TNFRSF21: variants seen among roughly 807,000 people sequenced by gnomAD.
The protein encoded by TNFRSF21 is TNF receptor superfamily member 21, also known as tumor necrosis factor receptor superfamily member 21.
TNFRSF21 carries 19 observed loss-of-function variants against 45.6 expected under a neutral mutation model. The ratio of observed to expected loss-of-function variants is 0.42; its 90% CI spans 0.29 to 0.61. The LOEUF (loss-of-function observed/expected upper bound fraction) is 0.61. Among genes scored for constraint, TNFRSF21 ranks in the 20% least tolerant of loss-of-function variants. The pLI is 0.23. For synonymous variants in TNFRSF21, 314 were observed against 335.5 expected (o/e 0.94, Z 0.70); for missense variants, 737 against 851.5 (o/e 0.87, Z 1.67).
chr6:47,248,149 C>G (rs1250989942), intron 4 of TNFRSF21, among the ~76,000 whole-genome samples: 1 of 152,080 alleles, frequency 6.6e-6, no homozygotes, highest in Non-Finnish European at 1.5e-5. Flanking sequence ...TTTTTCCACC[C>G]CTTTCTCTCA....
At chr6:47,243,036 G>A (rs1303788624) in intron 4 of TNFRSF21, among the ~76,000 whole-genome samples, 3 of 152,218 alleles carry the variant, frequency 2.0e-5, no homozygotes, top group African/African-American at 7.2e-5. Flanking sequence ...AGACCTTGAA[G>A]TAAGAAGGCT....
intron 1 of TNFRSF21, among the ~76,000 whole-genome samples, chr6:47,289,236 T>C (rs143637011): frequency 1.3e-5 from 2 of 152,268 alleles, no homozygotes; most frequent in Non-Finnish European, 2.9e-5. Context: ...ACTAAGAGAA[T>C]AAATCAAGAA....
chr6:47,255,569 CT>C (rs1050251864), intron 3 of TNFRSF21, among the ~76,000 whole-genome samples: 3 of 151,970 alleles, frequency 2.0e-5, no homozygotes, highest in Admixed American at 1.3e-4. Context: ...TCAAGGGATT[CT>C]CCTGCCTCAC....
chr6:47,237,583 A>G (rs1236360467), intron 4 of TNFRSF21, among the ~76,000 whole-genome samples: 1 of 152,244 alleles, frequency 6.6e-6, no homozygotes, highest in Non-Finnish European at 1.5e-5. Context: ...TTTCCAGAGA[A>G]GAGGATCCTC....
At chr6:47,290,627 T>C in intron 1 of TNFRSF21, among the ~76,000 whole-genome samples, 1 of 152,280 alleles carries the variant, frequency 6.6e-6, no homozygotes, top group Non-Finnish European at 1.5e-5. Context: ...AACTCGGCCC[T>C]GTTTAAACTG....
In TNFRSF21 at chr6:47,309,582, A is replaced by G; in HGVS notation, c.-71T>C. On this transcript the variant is annotated 5_prime_UTR_variant, in exon 1 of 6. Transcript: ENST00000296861. Reference sequence around the variant, plus strand: ...CTGGAATCGGCGGCTGCTTCTGCCCAGCGCCGCATCCACCGCCGCCTCCCG... The same window carrying G: ...CTGGAATCGGCGGCTGCTTCTGCCCGGCGCCGCATCCACCGCCGCCTCCCG... 2 of 1,373,456 alleles carry G rather than the reference A, an allele frequency of 1.5e-6. No individual in the cohort carries two copies. Among genetic ancestry groups the G allele is most frequent in the Non-Finnish European group, 1.9e-6 (2 of 1,072,700 alleles). The allele number at this position is 1,373,456 out of a possible 1,614,324, so 85.1% of individuals were successfully genotyped here.
At chr6:47,242,218 A>T (rs116472236) in intron 4 of TNFRSF21, among the ~76,000 whole-genome samples, 2 of 152,292 alleles carry the variant, frequency 1.3e-5, no homozygotes, top group African/African-American at 4.8e-5. Context: ...CCACTGGGGA[A>T]TTATTTTAAA....
chr6:47,291,200 T>C (rs1235979786), intron 1 of TNFRSF21, among the ~76,000 whole-genome samples: 1 of 152,194 alleles, frequency 6.6e-6, no homozygotes, highest in Admixed American at 6.5e-5. Context: ...ACTAAAAAGC[T>C]TGTGGCTCTA....
chr6:47,245,855 G>A (rs1764817044), intron 4 of TNFRSF21, among the ~76,000 whole-genome samples: 1 of 152,164 alleles, frequency 6.6e-6, no homozygotes, highest in African/African-American at 2.4e-5. Flanking sequence ...TGACTGGGGA[G>A]GCTTCAGGAA....
At chr6:47,246,905 C>G (rs1769993402) in intron 4 of TNFRSF21, among the ~76,000 whole-genome samples, 1 of 152,002 alleles carries the variant, frequency 6.6e-6, no homozygotes, top group African/African-American at 2.4e-5. Context: ...ACTTCTTCAC[C>G]CTGATGCTTA....
intron 1 of TNFRSF21, among the ~76,000 whole-genome samples, chr6:47,308,378 G>A (rs957572809): frequency 1.3e-5 from 2 of 152,174 alleles, no homozygotes; most frequent in African/African-American, 4.8e-5. Flanking sequence ...TTGTTTCTTG[G>A]GGGTTTTTTT....
At position 47,234,726 on chromosome 6, in the gene TNFRSF21, T is replaced by A; in HGVS notation, c.1682A>T (p.Asp561Val). The change falls in exon 5 of 6, where the codon GAC becomes GTC. Residue 561 changes from aspartate (D) to valine (V), a missense_variant. By Grantham distance (152) the Asp-to-Val change is radical (BLOSUM62 -3). Coordinates refer to ENST00000296861, the MANE Select transcript of TNFRSF21 (RefSeq NM_014452.5). ...CGCGGAGGAGCCGCTGGATGTAGAG[T>A]CACAGCGGAGAAGGGGCTCCGACTC... ...VDESEPLLRC[D>V]STSSGSSALS... 1 of 1,612,122 alleles carries A rather than the reference T, an allele frequency of 6.2e-7. No homozygotes were observed. The highest frequency in any genetic ancestry group is 1.3e-5 in the African/African-American group (1 of 74,928).
chr6:47,272,695 A>G (rs1029398263), intron 3 of TNFRSF21, among the ~76,000 whole-genome samples: 1 of 152,236 alleles, frequency 6.6e-6, no homozygotes, highest in Non-Finnish European at 1.5e-5. Flanking sequence ...TAAAGACACA[A>G]AGAACCCTTC....
At chr6:47,259,573 T>A (rs1403512791) in intron 3 of TNFRSF21, among the ~76,000 whole-genome samples, 1 of 152,084 alleles carries the variant, frequency 6.6e-6, no homozygotes, top group Non-Finnish European at 1.5e-5. Flanking sequence ...AGGGGTTTCA[T>A]CATGTTGGCC....
intron 1 of TNFRSF21, among the ~76,000 whole-genome samples, chr6:47,292,647 C>T (rs1475713667): frequency 6.6e-6 from 1 of 152,092 alleles, no homozygotes; most frequent in South Asian, 2.1e-4. Context: ...TAATGTTGCC[C>T]TGTATTAATT....
intron 4 of TNFRSF21, among the ~76,000 whole-genome samples, chr6:47,243,022 C>T (rs1419954221): frequency 1.3e-5 from 2 of 152,224 alleles, no homozygotes; most frequent in Non-Finnish European, 2.9e-5. Context: ...TCGTAGGAAA[C>T]TCAAGACCTT....
intron 3 of TNFRSF21, among the ~76,000 whole-genome samples, chr6:47,280,224 C>T (rs1699640016): frequency 6.6e-6 from 1 of 152,058 alleles, no homozygotes. Flanking sequence ...AGAAAACAAC[C>T]CAAGGCTAAG....
chr6:47,258,340 A>G (rs1366412152), intron 3 of TNFRSF21, among the ~76,000 whole-genome samples: 1 of 151,910 alleles, frequency 6.6e-6, no homozygotes. Flanking sequence ...ACCGCACCCC[A>G]GCCTAAGCAA....
chr6:47,288,156 T>G (rs568491562), intron 1 of TNFRSF21, among the ~76,000 whole-genome samples: 1 of 152,276 alleles, frequency 6.6e-6, no homozygotes, highest in Non-Finnish European at 1.5e-5. Context: ...CAGCACACGT[T>G]TGTTGGCAGA....
Sources: gnomAD v4.1 joint callset for allele counts (sites outside exome capture counted in the v4.1 genomes callset) on GRCh38, gnomAD v4.1.1 for gene constraint, MANE v1.5 for transcripts, NCBI Gene and HGNC (gene_info 2026-07-23, HGNC 2026-07-21) for gene names.